RNLS: variants seen among roughly 807,000 people sequenced by gnomAD.
The protein encoded by RNLS is renalase.
A neutral mutation model predicts 39.8 loss-of-function variants in RNLS; 39 were observed. The observed-to-expected ratio is 0.98, with a 90% CI of 0.76 to 1.28. The LOEUF (loss-of-function observed/expected upper bound fraction) is 1.28, where lower values mean the gene tolerates loss of function less well. Ranked by LOEUF, RNLS falls within the 50% of genes most tolerant of loss-of-function variation. The probability of loss-of-function intolerance (pLI) is 0.00; values close to 1 mark genes in which losing one functional copy is unlikely to be tolerated. For synonymous variants in RNLS, 147 were observed against 150.7 expected (o/e 0.98, Z 0.18); for missense variants, 410 against 413.3 (o/e 0.99, Z 0.07).
At chr10:88,556,432 A>C (rs77797126) in intron 4 of RNLS, among the ~76,000 whole-genome samples, 170 of 152,288 alleles carry the variant, frequency 1.1e-3, no homozygotes, top group Non-Finnish European at 1.6e-3. Flanking sequence ...CAGCCCTCTT[A>C]CAGTCTAACT....
At chr10:88,261,794 G>A in the RNLS span, among the ~76,000 whole-genome samples, 7 of 152,170 alleles carry the variant, frequency 4.6e-5, no homozygotes, top group African/African-American at 1.4e-4. Context: ...ACTTTCAGCA[G>A]CTCAGAATTT....
chr10:88,461,112 T>C (rs776462547), intron 4 of RNLS, among the ~76,000 whole-genome samples: 9 of 152,080 alleles, frequency 5.9e-5, no homozygotes, highest in Non-Finnish European at 1.3e-4. Flanking sequence ...TGAAAATGTT[T>C]CTCCACAGTG....
At chr10:88,570,922 T>TA (rs1849782304) in intron 4 of RNLS, among the ~76,000 whole-genome samples, 1 of 151,776 alleles carries the variant, frequency 6.6e-6, no homozygotes, top group African/African-American at 2.4e-5. Flanking sequence ...ATTGTATACT[T>TA]AAAAAATTGT....
chr10:88,482,980 C>A (rs1231289155), intron 4 of RNLS, among the ~76,000 whole-genome samples: 1 of 151,874 alleles, frequency 6.6e-6, no homozygotes, highest in Admixed American at 6.6e-5. Flanking sequence ...CTTCCTCCAT[C>A]CCTTTCTTCC....
chr10:88,198,326 G>T, the RNLS span, among the ~76,000 whole-genome samples: 1 of 152,284 alleles, frequency 6.6e-6, no homozygotes, highest in Non-Finnish European at 1.5e-5. Context: ...TGTGAGCAGG[G>T]TTTCTTTTGA....
chr10:88,420,788 G>A (rs1231586398), intron 4 of RNLS, among the ~76,000 whole-genome samples: 2 of 152,238 alleles, frequency 1.3e-5, no homozygotes, highest in African/African-American at 4.8e-5. Flanking sequence ...TACAATAGCA[G>A]TTTGAGTTTA....
intron 4 of RNLS, among the ~76,000 whole-genome samples, chr10:88,531,621 T>C (rs1847428801): frequency 6.6e-6 from 1 of 152,060 alleles, no homozygotes; most frequent in Non-Finnish European, 1.5e-5. Flanking sequence ...TTCTGGATTT[T>C]TGCCACCTTT....
chr10:88,546,577 C>T (rs542825795), intron 4 of RNLS, among the ~76,000 whole-genome samples: 1 of 152,088 alleles, frequency 6.6e-6, no homozygotes, highest in South Asian at 2.1e-4. Flanking sequence ...ATATTAGAAA[C>T]AATGAATAAG....
At chr10:88,538,623 T>C (rs892897151) in intron 4 of RNLS, among the ~76,000 whole-genome samples, 1 of 152,186 alleles carries the variant, frequency 6.6e-6, no homozygotes, top group Non-Finnish European at 1.5e-5. Context: ...GCATGTTCCA[T>C]TGCAGTTTAA....
intron 4 of RNLS, among the ~76,000 whole-genome samples, chr10:88,437,691 G>C (rs1841487545): frequency 6.6e-6 from 1 of 152,108 alleles, no homozygotes; most frequent in African/African-American, 2.4e-5. Flanking sequence ...GGGAATAGAG[G>C]GAGGATGTTA....
the RNLS span, among the ~76,000 whole-genome samples, chr10:88,172,169 C>T: frequency 2.6e-5 from 4 of 152,042 alleles, no homozygotes; most frequent in Non-Finnish European, 5.9e-5. Context: ...TATTGATTTC[C>T]TTTCTTTTGG....
At chr10:88,518,152 A>C (rs927519278) in intron 4 of RNLS, among the ~76,000 whole-genome samples, 1 of 151,920 alleles carries the variant, frequency 6.6e-6, no homozygotes, top group Non-Finnish European at 1.5e-5. Flanking sequence ...CCAACAGCTT[A>C]AATAAAATTT....
chr10:88,441,283 C>T (rs145254411), intron 4 of RNLS, among the ~76,000 whole-genome samples: 11 of 152,282 alleles, frequency 7.2e-5, no homozygotes, highest in African/African-American at 2.4e-4. Context: ...GAGTTTCTAT[C>T]TATGCAGCAC....
At chr10:88,379,858 G>C (rs1459049543) in intron 4 of RNLS, among the ~76,000 whole-genome samples, 1 of 152,206 alleles carries the variant, frequency 6.6e-6, no homozygotes, top group Non-Finnish European at 1.5e-5. Flanking sequence ...CTGGCAGACA[G>C]CTCCAGCTTA....
At chr10:88,321,341 C>T (rs1846168220) in intron 5 of RNLS, among the ~76,000 whole-genome samples, 1 of 151,980 alleles carries the variant, frequency 6.6e-6, no homozygotes, top group Non-Finnish European at 1.5e-5. Flanking sequence ...ATGTTTACAT[C>T]AAAAAGATAG....
At chr10:88,560,941 A>AACACACACACAC (rs35709088) in intron 4 of RNLS, among the ~76,000 whole-genome samples, 6 of 145,810 alleles carry the variant, frequency 4.1e-5, no homozygotes, top group African/African-American at 1.5e-4. Context: ...GTTCAGAGAT[A>AACACACACACAC]ACACACACAC....
chr10:88,503,769 C>A (rs1253770062), intron 4 of RNLS, among the ~76,000 whole-genome samples: 1 of 152,130 alleles, frequency 6.6e-6, no homozygotes, highest in Non-Finnish European at 1.5e-5. Flanking sequence ...AGAGATTATT[C>A]CCTCCCCTTC....
chr10:88,174,100 G>A, the RNLS span, among the ~76,000 whole-genome samples: 4 of 151,436 alleles, frequency 2.6e-5, no homozygotes, highest in Admixed American at 6.6e-5. Flanking sequence ...AGTTGATTTT[G>A]TATCTTGCAA....
chr10:88,267,326 C>G, the RNLS span, among the ~76,000 whole-genome samples: 2 of 152,176 alleles, frequency 1.3e-5, no homozygotes, highest in Non-Finnish European at 2.9e-5. Context: ...TCTGCAATCA[C>G]AGCACTTTGG....
Sources: gnomAD v4.1 joint callset for allele counts (sites outside exome capture counted in the v4.1 genomes callset) on GRCh38, gnomAD v4.1.1 for gene constraint, MANE v1.5 for transcripts, NCBI Gene and HGNC (gene_info 2026-07-23, HGNC 2026-07-21) for gene names.